Variants in OR4K17 observed in about 807,000 individuals in gnomAD.
The protein encoded by OR4K17 is olfactory receptor 4K17.
For missense variants in OR4K17, 480 were observed against 366.3 expected, an observed-to-expected ratio of 1.31 and a Z score of -2.53; for synonymous variants, 157 against 132.8, an observed-to-expected ratio of 1.18 and a Z score of -1.25.
At position 20,117,537 on chromosome 14, in the gene OR4K17, T is replaced by C. The variant is rs750203683; in HGVS notation, c.38T>C (p.Ile13Thr). The C allele has an allele frequency of 1.2e-6, 2 of 1,613,950 alleles. No individual in the cohort carries two copies. Among genetic ancestry groups the C allele is most frequent in the Non-Finnish European group, 1.7e-6 (2 of 1,179,930 alleles). The change falls in exon 2 of 2, where the codon ATT becomes ACT. Residue 13 changes from isoleucine (I) to threonine (T), a missense_variant. Transcript: ENST00000641386. Reference protein sequence around the residue: ...LLNQSQVSEFILLGLTSSQDV... With the variant: ...LLNQSQVSEFTLLGLTSSQDV... ...AATCAATCTCAAGTGTCAGAATTCA[T>C]TTTGCTGGGACTGACCAGCTCCCAG...
intron 1 of OR4K17, 99 bp from the exon 2 acceptor site, chr14:20,117,369 T>A: frequency 7.1e-7 from 1 of 1,414,996 alleles, no homozygotes; most frequent in Non-Finnish European, 9.6e-7. Flanking sequence ...GTCCGTTTAT[T>A]GAAAGATCCA....
In OR4K17 at chr14:20,118,481, C is replaced by A. The variant is rs761427065; in HGVS notation, c.*43C>A. ...AGAGGCCGGGCATGGTGGCTGATGCCTGTAATCCCCACACTTTGGGAGGAA... is the reference window on the plus strand; with the variant it reads ...AGAGGCCGGGCATGGTGGCTGATGCATGTAATCCCCACACTTTGGGAGGAA... On this transcript the variant is annotated 3_prime_UTR_variant, in exon 2 of 2. Transcript: ENST00000641386. 1.0e-5 allele frequency: 12 copies of A among 1,156,670 alleles called. 1 individual carries two copies. In the South Asian group the frequency reaches 1.5e-4, roughly 14 times the overall value. The allele number at this position is 1,156,670 out of a possible 1,614,324, so 71.7% of individuals were successfully genotyped here.
Position 20,118,527 on chromosome 14 carries a change from A to C in OR4K17, c.*89A>C, listed in dbSNP as rs1287094981. ...AGGAATATCAGGGGAACCAGCCCCCAATATTTCAACATAGGTTCTTTTCTA... is the reference window on the plus strand; with the variant it reads ...AGGAATATCAGGGGAACCAGCCCCCCATATTTCAACATAGGTTCTTTTCTA... On this transcript the variant is annotated 3_prime_UTR_variant, in exon 2 of 2. Transcript: ENST00000641386. The C allele has an allele frequency of 4.2e-6, 3 of 712,416 alleles. No homozygotes were observed. Among genetic ancestry groups the C allele is most frequent in the Non-Finnish European group, 2.3e-6 (1 of 432,702 alleles). The allele number at this position is 712,416 out of a possible 1,614,324, so 44.1% of individuals were successfully genotyped here. A position where few individuals can be genotyped will look rare whatever the true frequency, so the allele number is the denominator to read the frequency against.
At chr14:20,117,445 T>C (rs1878020085) in intron 1 of OR4K17, 23 bp from the exon 2 acceptor site, 1 of 1,611,030 alleles carries the variant, frequency 6.2e-7, no homozygotes, top group East Asian at 2.2e-5. Context: ...ATGGTATGAG[T>C]GATCTTTTCT....
intron 1 of OR4K17, among the ~76,000 whole-genome samples, chr14:20,116,821 G>A (rs1218680788): frequency 1.3e-5 from 2 of 152,088 alleles, no homozygotes; most frequent in African/African-American, 4.8e-5. Context: ...GCCATGAGTA[G>A]TAGCAGTCAC....
At position 20,121,528 on chromosome 14, in the gene OR4K17, A is replaced by C. The variant is rs954402160; in HGVS notation, c.*3090A>C. ...AAGTGTAGACTTTTTAAATGCAATC[A>C]AAGTTAGGTATTTATTCACTTAAAA... On this transcript the variant is annotated 3_prime_UTR_variant, in exon 2 of 2. Transcript: ENST00000641386. The C allele has an allele frequency of 1.3e-5, 2 of 152,186 alleles. No individual in the cohort carries two copies. The highest frequency in any genetic ancestry group is 4.8e-5 in the African/African-American group (2 of 41,462). 9.4% of individuals were successfully genotyped at this position (152,186 alleles called of 1,614,324 possible).
chr14:20,118,474 C>A lies in OR4K17; in HGVS notation c.*36C>A. 1.6e-6 allele frequency: 2 copies of A among 1,261,164 alleles called. No individual in the cohort carries two copies. Among genetic ancestry groups the A allele is most frequent in the Non-Finnish European group, 2.2e-6 (2 of 897,820 alleles). 78.1% of individuals were successfully genotyped at this position (1,261,164 alleles called of 1,614,324 possible). On this transcript the variant is annotated 3_prime_UTR_variant, in exon 2 of 2. Coordinates refer to ENST00000641386, the MANE Select transcript of OR4K17 (RefSeq NM_001004715.5). The stretch of plus-strand genomic sequence containing the variant: ...TAATGGTAGAGGCCGGGCATGGTGG[C>A]TGATGCCTGTAATCCCCACACTTTG...
chr14:20,118,189 T>C lies in OR4K17; in HGVS notation c.690T>C (p.Pro230=). The change falls in exon 2 of 2, where the codon CCT becomes CCC. Residue 230 remains proline (P), a synonymous_variant. Transcript: ENST00000641386. ...TCATAACCATTAAGAACCACTCTCC[T>C]ACTGGGCAATCTAAAGCCCGTTCCA... ...LILITIKNHS[P]TGQSKARSTL... 1.2e-6 allele frequency: 2 copies of C among 1,613,910 alleles called. No homozygotes were observed. The highest frequency in any genetic ancestry group is 1.7e-6 in the Non-Finnish European group (2 of 1,179,766).
chr14:20,111,425 A>G (rs530753806), intron 1 of OR4K17, among the ~76,000 whole-genome samples: 15 of 152,024 alleles, frequency 9.9e-5, no homozygotes, highest in Middle Eastern at 3.4e-3. Flanking sequence ...AGTATTCATG[A>G]TTTGGTTGTA....
rs1028159180 is a variant in OR4K17 at position 20,117,884 on chromosome 14, C to T, written c.385C>T (p.Pro129Ser). 1 of 1,613,674 alleles carries T rather than the reference C, an allele frequency of 6.2e-7. No individual in the cohort carries two copies. Among genetic ancestry groups the T allele is most frequent in the African/African-American group, 1.3e-5 (1 of 74,800 alleles). Residue 129 changes from proline to serine, a missense_variant, in exon 2 of 2, where the codon CCC becomes TCC. Pro to Ser is a moderately conservative substitution (Grantham distance 74, BLOSUM62 -1). Transcript: ENST00000641386. ...TGACAGATATGTGGCCATTTGTAAG[C>T]CCCTACACTACATGACCATCATGAA... The part of the protein sequence containing the change: ...AFDRYVAICK[P>S]LHYMTIMNKK...
intron 1 of OR4K17, among the ~76,000 whole-genome samples, chr14:20,111,536 A>G (rs972662984): frequency 2.0e-5 from 3 of 152,014 alleles, no homozygotes; most frequent in Non-Finnish European, 4.4e-5. Flanking sequence ...CATTAAAATG[A>G]CCACATCTCA....
In OR4K17 at chr14:20,122,157, G is replaced by A. The variant is rs1878185541; in HGVS notation, c.*3719G>A. On this transcript the variant is annotated 3_prime_UTR_variant, in exon 2 of 2. Coordinates refer to ENST00000641386, the MANE Select transcript of OR4K17 (RefSeq NM_001004715.5). The stretch of plus-strand genomic sequence containing the variant: ...AATGAATTAAATTATCTGAACAAAA[G>A]ACACAGAGTGGCTAAATGAATAAAA... The A allele has an allele frequency of 6.6e-6, 1 of 151,944 alleles. No homozygotes were observed. Among genetic ancestry groups the A allele is most frequent in the African/African-American group, 2.4e-5 (1 of 41,410 alleles). The allele number at this position is 151,944 out of a possible 1,614,324, so 9.4% of individuals were successfully genotyped here.
rs764860609 is a variant in OR4K17 at position 20,118,024 on chromosome 14, C to T, written c.525C>T (p.Asp175=). 4 of 1,614,118 alleles carry T rather than the reference C, an allele frequency of 2.5e-6. No homozygotes were observed. In the East Asian group the frequency reaches 8.9e-5, roughly 36 times the overall value. ...NLPFCGPNVV[D]SIFCDLPLVT... ...CCTTTTGTGGTCCCAATGTGGTAGA[C>T]AGCATTTTTTGTGACCTCCCTTTGG... Residue 175 remains aspartate, a synonymous_variant, in exon 2 of 2, where the codon GAC becomes GAT. Coordinates refer to ENST00000641386, the MANE Select transcript of OR4K17 (RefSeq NM_001004715.5).
Position 20,118,520 on chromosome 14 carries a change from A to C in OR4K17, c.*82A>C. 1 of 747,938 alleles carries C rather than the reference A, an allele frequency of 1.3e-6. No individual in the cohort carries two copies. Among genetic ancestry groups the C allele is most frequent in the Non-Finnish European group, 2.2e-6 (1 of 461,814 alleles). 46.3% of individuals were successfully genotyped at this position (747,938 alleles called of 1,614,324 possible). On this transcript the variant is annotated 3_prime_UTR_variant, in exon 2 of 2. Coordinates refer to ENST00000641386, the MANE Select transcript of OR4K17 (RefSeq NM_001004715.5). ...CTTTGGGAGGAATATCAGGGGAACCAGCCCCCAATATTTCAACATAGGTTC... is the reference window on the plus strand; with the variant it reads ...CTTTGGGAGGAATATCAGGGGAACCCGCCCCCAATATTTCAACATAGGTTC...
rs751402331 is a variant in OR4K17, at chr14:20,117,596, G to T, written c.97G>T (p.Val33Phe). Residue 33 changes from valine (V) to phenylalanine (F), a missense_variant, in exon 2 of 2, where the codon GTT (valine) becomes TTT (phenylalanine). By Grantham distance (50) the Val-to-Phe change is conservative (BLOSUM62 -1). Transcript: ENST00000641386. ...VEFLLFALFS[V>F]IYVVTVLGNL... ...GTTTCTTCTCTTTGCCCTCTTCTCGGTTATCTATGTGGTCACAGTTTTGGG... is the reference window on the plus strand; with the variant it reads ...GTTTCTTCTCTTTGCCCTCTTCTCGTTTATCTATGTGGTCACAGTTTTGGG... The T allele has an allele frequency of 1.9e-6, 3 of 1,613,898 alleles. No individual in the cohort carries two copies. The highest frequency in any genetic ancestry group is 1.1e-5 in the South Asian group (1 of 91,058).
intron 1 of OR4K17, among the ~76,000 whole-genome samples, chr14:20,116,289 TA>T (rs1877989647): frequency 6.6e-6 from 1 of 152,170 alleles, no homozygotes; most frequent in Admixed American, 6.6e-5. Context: ...TGAGATTAAT[TA>T]TTCTGCTTCT....
rs747941887 is a variant in OR4K17 at position 20,117,966 on chromosome 14, C to A, written c.467C>A (p.Ser156Ter). 1.2e-6 allele frequency: 2 copies of A among 1,613,996 alleles called. No homozygotes were observed. The highest frequency in any genetic ancestry group is 1.3e-5 in the African/African-American group (1 of 74,926). Residue 156 changes from serine (S) to a stop codon, truncating the protein, a stop_gained, in exon 2 of 2, where the codon TCA (serine) becomes TAA (stop). Transcript: ENST00000641386. LOFTEE classifies it low-confidence loss of function (END_TRUNC). ...TCATGGCTCTTGGGTCTCCTTCACT[C>A]AGGGTTTCAGATACCATTTGCTGTG... ...VTSWLLGLLH[S>*]GFQIPFAVNL...
At position 20,121,050 on chromosome 14, in the gene OR4K17, A is replaced by C. The variant is rs1878155221; in HGVS notation, c.*2612A>C. Reference sequence around the variant, plus strand: ...GCTGCACCTTCACAATAGTCAGAGCAGTTGTGTTTTACTCAACCAATCCCC... The same window carrying C: ...GCTGCACCTTCACAATAGTCAGAGCCGTTGTGTTTTACTCAACCAATCCCC... On this transcript the variant is annotated 3_prime_UTR_variant, in exon 2 of 2. Transcript: ENST00000641386. The C allele has an allele frequency of 6.6e-6, 1 of 152,230 alleles. No homozygotes were observed. The highest frequency in any genetic ancestry group is 2.4e-5 in the African/African-American group (1 of 41,454). 9.4% of individuals were successfully genotyped at this position (152,230 alleles called of 1,614,324 possible).
rs770739113 is a variant in OR4K17, at chr14:20,110,848, G to A, written c.-77G>A. ...AGTTGAGAAGGTGCATGCCCTTCTC[G>A]ATATTGTCCCCTCTGAACCCATGGC... On this transcript the variant is annotated 5_prime_UTR_variant, in exon 1 of 2. Transcript: ENST00000641386. The A allele has an allele frequency of 2.6e-5, 4 of 151,892 alleles. No homozygotes were observed. Among genetic ancestry groups the A allele is most frequent in the African/African-American group, 4.8e-5 (2 of 41,390 alleles). The allele number at this position is 151,892 out of a possible 1,614,324, so 9.4% of individuals were successfully genotyped here.
Sources: gnomAD v4.1 joint callset for allele counts (sites outside exome capture counted in the v4.1 genomes callset) on GRCh38, gnomAD v4.1.1 for gene constraint, MANE v1.5 for transcripts, NCBI Gene and HGNC (gene_info 2026-07-23, HGNC 2026-07-21) for gene names.